Variants in ADA2 observed in about 807,000 individuals in gnomAD.
ADA2 encodes the protein adenosine deaminase CECR1.
ADA2 carries 29 observed loss-of-function variants against 44.2 expected under a neutral mutation model. The observed-to-expected ratio is 0.66, with a 90% confidence interval of 0.49 to 0.89. The LOEUF (loss-of-function observed/expected upper bound fraction) is 0.89, where lower values mean the gene tolerates loss of function less well. ADA2 is among the 40% of genes least tolerant of loss of function. ADA2 has a pLI of 0.00. For missense variants in ADA2, 637 were observed against 644.8 expected, an observed-to-expected ratio of 0.99 and a Z score of 0.13; for synonymous variants, 215 against 234.9, an observed-to-expected ratio of 0.92 and a Z score of 0.77.
chr22:17,182,031 T>A lies in ADA2; in HGVS notation c.1240-9A>T. The A allele has an allele frequency of 6.2e-7, 1 of 1,608,200 alleles. No homozygotes were observed. Reference sequence around the variant, plus strand: ...GACACCAGTTTCAGCACCTGCGCAATAGGAGGGAAGGGAGAAAGATGAACT... The same window carrying A: ...GACACCAGTTTCAGCACCTGCGCAAAAGGAGGGAAGGGAGAAAGATGAACT... On this transcript the variant is annotated splice_polypyrimidine_tract_variant and intron_variant, in intron 8 of 9. Coordinates refer to ENST00000399837, the MANE Select transcript of ADA2 (RefSeq NM_001282225.2).
rs1056885131 is a variant in ADA2 at position 17,209,738 on chromosome 22, G to C, written c.-46-15C>G. ...ACTCCACGGGACTGCAAAGGAGAGT[G>C]GGGGAGTGAAAACCTACAGATTTAA... On this transcript the variant is annotated splice_polypyrimidine_tract_variant and intron_variant, in intron 1 of 9. Coordinates refer to ENST00000399837, the MANE Select transcript of ADA2 (RefSeq NM_001282225.2). The C allele has an allele frequency of 1.6e-5, 22 of 1,366,656 alleles. No homozygotes were observed. Among genetic ancestry groups the C allele is most frequent in the Admixed American group, 2.1e-5 (1 of 48,182 alleles). 84.7% of individuals were successfully genotyped at this position (1,366,656 alleles called of 1,614,324 possible).
At position 17,182,650 on chromosome 22, in the gene ADA2, G is replaced by A; in HGVS notation, c.1193C>T (p.Ser398Phe). Residue 398 changes from serine to phenylalanine, a missense_variant, in exon 8 of 10, where the codon TCC becomes TTC. Coordinates refer to ENST00000399837, the MANE Select transcript of ADA2 (RefSeq NM_001282225.2). ...LSKHPAVRTYSWKKDIPIEVC... is the reference protein window; with the variant it reads ...LSKHPAVRTYFWKKDIPIEVC... ...TTCTATGGGGATGTCCTTTTTCCAG[G>A]AGTAAGTCCTGACTGCGGGGTGTTT... is the stretch of plus-strand genomic sequence containing the variant. 1 of 1,614,180 alleles carries A rather than the reference G, an allele frequency of 6.2e-7. No homozygotes were observed.
At chr22:17,220,641 G>A (rs943121140), upstream of ADA2, among the ~76,000 whole-genome samples, 1 of 151,990 alleles carries the variant, frequency 6.6e-6, no homozygotes, top group Non-Finnish European at 1.5e-5. Flanking sequence ...CATGTCACAT[G>A]CATGGTCTAA....
chr22:17,210,220 C>T (rs1198583517), intron 1 of ADA2, among the ~76,000 whole-genome samples: 1 of 139,460 alleles, frequency 7.2e-6, no homozygotes, highest in Non-Finnish European at 1.5e-5. Context: ...GATGGAGTTT[C>T]ACTCTTGTTG....
chr22:17,202,774 T>TTTC (rs201971748), intron 4 of ADA2, among the ~76,000 whole-genome samples: 264 of 91,164 alleles, frequency 2.9e-3, no homozygotes, highest in African/African-American at 0.01. Context: ...CCTTTCTTTC[T>TTTC]TTTTTTTTTT....
upstream of ADA2, among the ~76,000 whole-genome samples, chr22:17,220,032 T>C (rs1456974932): frequency 6.6e-6 from 1 of 152,072 alleles, no homozygotes; most frequent in African/African-American, 2.4e-5. Context: ...GTGTACTGTG[T>C]CTTTGAAAGG....
At chr22:17,197,914 T>A (rs57229331) in intron 4 of ADA2, among the ~76,000 whole-genome samples, 1 of 152,064 alleles carries the variant, frequency 6.6e-6, no homozygotes, top group Non-Finnish European at 1.5e-5. Flanking sequence ...GGCACATGCC[T>A]GTATTCCCAG....
intron 1 of ADA2, among the ~76,000 whole-genome samples, chr22:17,216,387 A>T (rs1232475568): frequency 6.6e-6 from 1 of 151,900 alleles, no homozygotes; most frequent in African/African-American, 2.4e-5. Flanking sequence ...GAAAAAAAAA[A>T]ACCTACAGTT....
chr22:17,194,606 A>G (rs1269951034), intron 4 of ADA2, among the ~76,000 whole-genome samples: 2 of 152,010 alleles, frequency 1.3e-5, no homozygotes, highest in African/African-American at 2.4e-5. Flanking sequence ...CACGTCACAC[A>G]GCCCCCCACA....
At position 17,207,160 on chromosome 22, in the gene ADA2, T is replaced by A. The variant is rs1601459068; in HGVS notation, c.453A>T (p.Pro151=). 5 of 1,614,086 alleles carry A rather than the reference T, an allele frequency of 3.1e-6. No homozygotes were observed. The South Asian group carries it at 5.5e-5, about 18-fold the overall frequency. Residue 151 remains proline (P), a synonymous_variant, in exon 3 of 10, where the codon CCA becomes CCT. Transcript: ENST00000399837. ...RGIMQFRFAH[P]TPRPSEKCSK... ...AACATTTTTCTGATGGACGGGGAGT[T>A]GGGTGAGCAAATCTGAACTGCATGA... is the stretch of plus-strand genomic sequence containing the variant.
rs2286346 is a variant in ADA2 at position 17,190,152 on chromosome 22, C to T, written c.882-120G>A. Reference sequence around the variant, plus strand: ...AAGTGTGCAGGTCCCGTTTCCCAAACCTGAGGCACCCCTGCCCTCCTGACC... The same window carrying T: ...AAGTGTGCAGGTCCCGTTTCCCAAATCTGAGGCACCCCTGCCCTCCTGACC... On this transcript the variant is annotated intron_variant, in intron 5 of 9. Coordinates refer to ENST00000399837, the MANE Select transcript of ADA2 (RefSeq NM_001282225.2). The T allele has an allele frequency of 0.022, 16,218 of 734,300 alleles. 516 individuals carry two copies. Among genetic ancestry groups the T allele is most frequent in the African/African-American group, 0.1 (6,070 of 57,878 alleles). 45.5% of individuals were successfully genotyped at this position (734,300 alleles called of 1,614,324 possible).
intron 4 of ADA2, among the ~76,000 whole-genome samples, chr22:17,195,486 G>T (rs886540691): frequency 1.3e-5 from 2 of 151,394 alleles, no homozygotes; most frequent in Non-Finnish European, 2.9e-5. Context: ...CTGAGATCGC[G>T]CCACTGCACT....
chr22:17,219,171 G>A (rs920431193), intron 1 of ADA2, among the ~76,000 whole-genome samples, 185 bp downstream of exon 1: 1 of 152,220 alleles, frequency 6.6e-6, no homozygotes, highest in Non-Finnish European at 1.5e-5. Context: ...GTGGTCCTGA[G>A]TAAATGCCCT....
Position 17,207,216 on chromosome 22 carries a change from G to A in ADA2, c.397C>T (p.His133Tyr). The A allele has an allele frequency of 6.8e-6, 11 of 1,614,122 alleles. No homozygotes were observed. The highest frequency in any genetic ancestry group is 9.3e-6 in the Non-Finnish European group (11 of 1,179,948). Residue 133 changes from histidine (H) to tyrosine (Y), a missense_variant, in exon 3 of 10, where the codon CAC becomes TAC. Transcript: ENST00000399837. ...WLVRNVTYRP[H>Y]CHICFTPRGI... ...CTTGGGGTGAAACAGATGTGGCAGT[G>A]AGGCCTGTAGGTGACATTCCTCACC...
intron 1 of ADA2, among the ~76,000 whole-genome samples, chr22:17,210,203 T>G (rs1343304960): frequency 1.3e-5 from 2 of 151,296 alleles, no homozygotes; most frequent in Non-Finnish European, 2.9e-5. Flanking sequence ...TTTTTTTTTT[T>G]TTTTGAGATG....
At chr22:17,186,642 G>A (rs1279419645) in intron 7 of ADA2, among the ~76,000 whole-genome samples, 1 of 151,886 alleles carries the variant, frequency 6.6e-6, no homozygotes, top group Non-Finnish European at 1.5e-5. Flanking sequence ...GCTGAGGTGG[G>A]TGGATCACTT....
At chr22:17,182,267 C>T (rs374726144) in intron 8 of ADA2, among the ~76,000 whole-genome samples, 65 of 152,232 alleles carry the variant, frequency 4.3e-4, no homozygotes, top group African/African-American at 1.5e-3. Context: ...CAGAGAAGCG[C>T]TAACTGAACA....
chr22:17,182,055 C>T, intron 8 of ADA2, 33 bp from the exon 9 acceptor site: 1 of 1,550,126 alleles, frequency 6.5e-7, no homozygotes, highest in Non-Finnish European at 8.9e-7. Context: ...GAAAGATGAA[C>T]TCTGATCCCT....
intron 2 of ADA2, among the ~76,000 whole-genome samples, chr22:17,207,770 C>G (rs1182922141): frequency 6.6e-6 from 1 of 152,114 alleles, no homozygotes; most frequent in African/African-American, 2.4e-5. Context: ...ACGGGATACA[C>G]TGGGATGAGC....
Sources: allele counts gnomAD v4.1 joint callset (sites outside exome capture counted in the v4.1 genomes callset), GRCh38; gene constraint gnomAD v4.1.1; transcripts MANE v1.5; gene names NCBI Gene and HGNC (gene_info 2026-07-23, HGNC 2026-07-21).